Variants in SEMA4D observed in about 807,000 individuals in gnomAD.
SEMA4D encodes semaphorin-4D.
Under a neutral mutation model 74.8 loss-of-function variants are expected in SEMA4D, and 22 were observed. The observed-to-expected ratio is 0.29, with a 90% CI of 0.21 to 0.42. The LOEUF (loss-of-function observed/expected upper bound fraction) is 0.42, where lower values mean the gene tolerates loss of function less well. Ranked by LOEUF, SEMA4D falls within the 10% of genes least tolerant of loss-of-function variation. SEMA4D has a pLI of 1.00. For missense variants in SEMA4D, 937 were observed against 1,118.4 expected (o/e 0.84, Z 2.31); for synonymous variants, 445 against 463.7 (o/e 0.96, Z 0.52).
Position 89,386,476 on chromosome 9 carries a change from C to G in SEMA4D, c.1337G>C (p.Gly446Ala). The G allele has an allele frequency of 6.2e-7, 1 of 1,611,008 alleles. No homozygotes were observed. The highest frequency in any genetic ancestry group is 8.5e-7 in the Non-Finnish European group (1 of 1,177,360). ...GAGGCTGATGGCTTTGTGCAGAGCT[C>G]CCCGGTCTGCAGGGCCAAAGCTACA... is the stretch of plus-strand genomic sequence containing the variant. ...YDVMFVSTDR[G>A]ALHKAISLEH... is the part of the protein sequence containing the mutation. Residue 446 changes from glycine (G) to alanine (A), a missense_variant, in exon 13 of 16, where the codon GGA (glycine) becomes GCA (alanine). Physicochemically the swap from Gly to Ala is moderately conservative, Grantham distance 60. Coordinates refer to ENST00000422704, the MANE Select transcript of SEMA4D (RefSeq NM_001371194.2).
At chr9:89,452,417 A>G (rs2135455509) in intron 2 of SEMA4D, among the ~76,000 whole-genome samples, 1 of 151,828 alleles carries the variant, frequency 6.6e-6, no homozygotes, top group Non-Finnish European at 1.5e-5. Context: ...TGACCTCGTG[A>G]TCCGCCAGCC....
rs150957069 is a variant in SEMA4D at position 89,478,194 on chromosome 9, T to A, written c.-310+19725A>T. Among the ~76,000 whole-genome samples, 147 of 152,292 alleles carry A rather than the reference T, an allele frequency of 9.7e-4. 1 individual carries two copies. The East Asian group carries it at 0.024, about 25-fold the overall frequency. ...GCTGTAACAGGTTGAAGAGATGCAA[T>A]CTTGTTTGCAAAAAGGGTCTTTCTA... On this transcript the variant is annotated intron_variant, in intron 1 of 15. Transcript: ENST00000422704.
intron 6 of SEMA4D, among the ~76,000 whole-genome samples, 178 bp downstream of exon 6, chr9:89,396,559 C>G (rs547650343): frequency 1.3e-5 from 2 of 152,370 alleles, no homozygotes; most frequent in South Asian, 2.1e-4. Context: ...GTGCCCCTGA[C>G]AGCAGCTGTG....
At chr9:89,482,950 C>A (rs1046676531) in intron 1 of SEMA4D, among the ~76,000 whole-genome samples, 5 of 152,210 alleles carry the variant, frequency 3.3e-5, no homozygotes, top group African/African-American at 9.6e-5. Flanking sequence ...AACCTGTGCC[C>A]ACTGGCTGGA....
Position 89,378,464 on chromosome 9 carries a change from G to T in SEMA4D, c.*240C>A. On this transcript the variant is annotated 3_prime_UTR_variant, in exon 16 of 16. Transcript: ENST00000422704. ...CCCGTGGGCCTTCTTCAAGTACTCC[G>T]ACTGACTTCGGAACACAAGACTGGG... The T allele has an allele frequency of 2.0e-6, 1 of 499,004 alleles. No individual in the cohort carries two copies. Among genetic ancestry groups the T allele is most frequent in the Non-Finnish European group, 3.6e-6 (1 of 278,396 alleles). 30.9% of individuals were successfully genotyped at this position (499,004 alleles called of 1,614,324 possible). A position where few individuals can be genotyped will look rare whatever the true frequency, so the allele number is the denominator to read the frequency against.
chr9:89,412,333 T>C (rs2133955385), intron 2 of SEMA4D, among the ~76,000 whole-genome samples: 1 of 152,058 alleles, frequency 6.6e-6, no homozygotes, highest in East Asian at 1.9e-4. Context: ...GGCAAAGCCA[T>C]CCCCAAACGA....
Position 89,381,892 on chromosome 9 carries a change from G to A in SEMA4D, c.1447-546C>T, listed in dbSNP as rs78477282. ...GCCTAACATAACAGGGATGCCAAAC[G>A]GACGACATGCAAAGGATGAGGAGAT... On this transcript the variant is annotated intron_variant, in intron 13 of 15. Coordinates refer to ENST00000422704, the MANE Select transcript of SEMA4D (RefSeq NM_001371194.2). The surrounding 1 kb of genome is among the most constrained non-coding windows in gnomAD (Gnocchi z 4.6). The A allele has an allele frequency of 0.031, 4,805 of 152,848 alleles. 244 individuals are homozygous for A. Among genetic ancestry groups the A allele is most frequent in the African/African-American group, 0.11 (4,547 of 41,556 alleles). 9.5% of individuals were successfully genotyped at this position (152,848 alleles called of 1,614,324 possible).
chr9:89,452,173 G>T (rs1007775147), intron 2 of SEMA4D, among the ~76,000 whole-genome samples: 23 of 62,366 alleles, frequency 3.7e-4, no homozygotes, highest in South Asian at 7.4e-4. Flanking sequence ...TCCTGTCTTG[G>T]TTTTTTTTGT....
At chr9:89,407,824 G>T (rs1338988334) in intron 2 of SEMA4D, among the ~76,000 whole-genome samples, 1 of 152,216 alleles carries the variant, frequency 6.6e-6, no homozygotes, top group Non-Finnish European at 1.5e-5. Context: ...TGTCTCTCCT[G>T]CCTGTCAACA....
intron 13 of SEMA4D, chr9:89,385,786 G>T: frequency 1.8e-6 from 1 of 554,908 alleles, no homozygotes. Context: ...GGACTGACTG[G>T]GCCTGGATCC....
chr9:89,454,890 C>A (rs928517570), intron 2 of SEMA4D, among the ~76,000 whole-genome samples: 2 of 152,244 alleles, frequency 1.3e-5, no homozygotes, highest in African/African-American at 2.4e-5. Context: ...GTGCCTAGCA[C>A]GGGTGAGGAA....
chr9:89,475,136 A>G (rs1861449418), intron 1 of SEMA4D, among the ~76,000 whole-genome samples: 1 of 152,196 alleles, frequency 6.6e-6, no homozygotes, highest in African/African-American at 2.4e-5. Context: ...CAGCTGGAGG[A>G]CAGACCAGCC....
chr9:89,423,523 A>G (rs1847422805), intron 2 of SEMA4D, among the ~76,000 whole-genome samples: 1 of 152,142 alleles, frequency 6.6e-6, no homozygotes, highest in Non-Finnish European at 1.5e-5. Flanking sequence ...TTTCAAGTCT[A>G]TTAGAAACCT....
chr9:89,487,822 A>C (rs1366384101), intron 1 of SEMA4D, among the ~76,000 whole-genome samples: 1 of 152,256 alleles, frequency 6.6e-6, no homozygotes, highest in Non-Finnish European at 1.5e-5. Context: ...TGTACACTCA[A>C]AACTACAAAA....
chr9:89,444,714 AT>A (rs1852426089), intron 2 of SEMA4D, among the ~76,000 whole-genome samples: 2 of 152,126 alleles, frequency 1.3e-5, no homozygotes, highest in African/African-American at 4.8e-5. Context: ...CTGCCAGAAA[AT>A]CCTCAGACAA....
At chr9:89,370,906 T>C (rs1040542053) in intron 16 of SEMA4D, among the ~76,000 whole-genome samples, 7 of 116,580 alleles carry the variant, frequency 6.0e-5, no homozygotes, top group African/African-American at 2.4e-4. Context: ...GGCATGTGAC[T>C]GGGATGGTGT....
chr9:89,468,758 T>G (rs957962687), intron 1 of SEMA4D, among the ~76,000 whole-genome samples: 1 of 152,102 alleles, frequency 6.6e-6, no homozygotes. Flanking sequence ...ATTCTCCCGG[T>G]GTGTAATGCT....
intron 1 of SEMA4D, among the ~76,000 whole-genome samples, chr9:89,469,825 T>C (rs1859721262): frequency 6.6e-6 from 1 of 152,216 alleles, no homozygotes; most frequent in South Asian, 2.1e-4. Context: ...GGCAGACAGA[T>C]GCTTTCACCG....
At chr9:89,396,918 A>C in intron 5 of SEMA4D, 83 bp from the exon 6 acceptor site, 60 of 1,252,704 alleles carry the variant, frequency 4.8e-5, no homozygotes, top group Non-Finnish European at 5.6e-5. Context: ...CGTTCATCTC[A>C]GGGGCACAGA....
Sources: gnomAD v4.1 joint callset for allele counts (sites outside exome capture counted in the v4.1 genomes callset) on GRCh38, gnomAD v4.1.1 for gene constraint, Gnocchi (gnomAD v3.1) non-coding constraint, MANE v1.5 for transcripts, NCBI Gene and HGNC (gene_info 2026-07-23, HGNC 2026-07-21) for gene names.